The following TTN variants were observed in gnomAD, a reference collection of about 807,000 sequenced individuals.
TTN encodes connectin.
Under a neutral mutation model 3,223.0 loss-of-function variants are expected in TTN, and 1,525 were observed. The observed-to-expected ratio is 0.47, with a 90% CI of 0.45 to 0.49. The LOEUF (loss-of-function observed/expected upper bound fraction) is 0.49. Among genes scored for constraint, TTN ranks in the 20% least tolerant of loss-of-function variants. The pLI is 0.00. For missense variants in TTN, 40,786 were observed against 43,424.0 expected (o/e 0.94, Z 5.40); for synonymous variants, 14,094 against 15,161.0 (o/e 0.93, Z 5.17).
chr2:178,622,953 TAGTTTA>T (rs2058515476), intron 242 of TTN, among the ~76,000 whole-genome samples, 186 bp from the exon 243 acceptor site: 1 of 151,964 alleles, frequency 6.6e-6, no homozygotes, highest in African/African-American at 2.4e-5. Flanking sequence ...GATATCTCTT[TAGTTTA>T]CATAAAATTA....
chr2:178,703,701 G>T (rs1276175802), intron 106 of TTN, among the ~76,000 whole-genome samples: 1 of 152,162 alleles, frequency 6.6e-6, no homozygotes, highest in African/African-American at 2.4e-5. Context: ...TTGAAAAATA[G>T]TTGCTAATTG....
intron 47 of TTN, chr2:178,746,039 C>T (rs1432436001): frequency 6.2e-7 from 1 of 1,613,432 alleles, no homozygotes; most frequent in Non-Finnish European, 8.5e-7. Context: ...ATTCACAGCT[C>T]TGCACCTGTA....
In TTN at chr2:178,665,299, AG is replaced by A. The variant is rs371269651; in HGVS notation, c.36043+77del. ...ATGTTTATATTTAGAATTTATGAAG[AG>A]TATTAGGAAGAAACCATAGTTTTAA... On this transcript the variant is annotated intron_variant, in intron 165 of 362. Coordinates refer to ENST00000589042, the MANE Select transcript of TTN (RefSeq NM_001267550.2). The A allele has an allele frequency of 2.2e-3, 2,821 of 1,268,790 alleles. 86 individuals carry two copies. The South Asian group carries it at 0.034, about 15-fold the overall frequency. The allele number at this position is 1,268,790 out of a possible 1,614,324, so 78.6% of individuals were successfully genotyped here. A position where few individuals can be genotyped will look rare whatever the true frequency, so the allele number is the denominator to read the frequency against.
intron 43 of TTN, among the ~76,000 whole-genome samples, chr2:178,762,244 T>C (rs1249042501): frequency 6.6e-6 from 1 of 152,258 alleles, no homozygotes; most frequent in Non-Finnish European, 1.5e-5. Flanking sequence ...AGGGTCATTC[T>C]ATTTAATGAA....
At position 178,536,220 on chromosome 2, in the gene TTN, A is replaced by G. The variant is rs746029690; in HGVS notation, c.100527T>C (p.Tyr33509=). ...TGCAGACCAAGGTAGCATTGCTCTG[A>G]TATCTGACATTTAGATTTCTCAGTT... ...KEELRNLNVR[Y]QSNATLVCKV... The change falls in exon 357 of 363, where the codon TAT becomes TAC. Residue 33509 remains tyrosine, a synonymous_variant. Coordinates refer to ENST00000589042, the MANE Select transcript of TTN (RefSeq NM_001267550.2). 1.2e-6 allele frequency: 2 copies of G among 1,613,336 alleles called. No individual in the cohort carries two copies. Among genetic ancestry groups the G allele is most frequent in the Non-Finnish European group, 1.7e-6 (2 of 1,179,522 alleles).
chr2:178,799,624 C>T lies in TTN; in HGVS notation c.777G>A (p.Pro259=), dbSNP rs779271206. The change falls in exon 6 of 363, where the codon CCG becomes CCA. Residue 259 remains proline, a synonymous_variant. Transcript: ENST00000589042. ...GTGTTGGGGATCTTGACTTTGGCTT[C>T]GGAGGAATCCTGGGAGGTGTTTTAT... ...LPHKTPPRIP[P]KPKSRSPTPP... 3.1e-6 allele frequency: 5 copies of T among 1,613,944 alleles called. No individual in the cohort carries two copies. Among genetic ancestry groups the T allele is most frequent in the African/African-American group, 2.7e-5 (2 of 74,874 alleles).
At chr2:178,625,060 G>A (rs2058824595) in intron 241 of TTN, among the ~76,000 whole-genome samples, 1 of 151,764 alleles carries the variant, frequency 6.6e-6, no homozygotes, top group South Asian at 2.1e-4. Context: ...CAATAGAGAT[G>A]GAAGGAGGAA....
intron 301 of TTN, 21 bp from the exon 302 acceptor site, chr2:178,592,298 G>T: frequency 6.2e-7 from 1 of 1,602,346 alleles, no homozygotes; most frequent in Non-Finnish European, 8.5e-7. Flanking sequence ...TTAAATAACA[G>T]TTTGATAAGT....
At position 178,573,366 on chromosome 2, in the gene TTN, T is replaced by C. The variant is rs187868672; in HGVS notation, c.72766A>G (p.Asn24256Asp). The change falls in exon 326 of 363, where the codon AAT becomes GAT. Residue 24256 changes from asparagine (N) to aspartate (D), a missense_variant. Physicochemically the swap from Asn to Asp is conservative, Grantham distance 23 (BLOSUM62 1). Coordinates refer to ENST00000589042, the MANE Select transcript of TTN (RefSeq NM_001267550.2). ...TTATCACGCCGTTCCACAATATAAT[T>C]GATGATTTCACTTCCACCATCAGAA... The part of the protein sequence containing the change: ...PDSDGGSEII[N>D]YIVERRDKAG... 2.8e-4 allele frequency: 425 copies of C among 1,525,484 alleles called. 2 individuals are homozygous for C. The highest frequency in any genetic ancestry group is 8.8e-4 in the Middle Eastern group (5 of 5,656). 94.5% of individuals were successfully genotyped at this position (1,525,484 alleles called of 1,614,324 possible). A position where few individuals can be genotyped will look rare whatever the true frequency, so the allele number is the denominator to read the frequency against.
chr2:178,537,057 C>T lies in TTN; in HGVS notation c.100052G>A (p.Cys33351Tyr). 1 of 1,613,138 alleles carries T rather than the reference C, an allele frequency of 6.2e-7. No homozygotes were observed. The highest frequency in any genetic ancestry group is 8.5e-7 in the Non-Finnish European group (1 of 1,179,482). ...LVSSAISVTTCRIVNLTENAG... is the reference protein window; with the variant it reads ...LVSSAISVTTYRIVNLTENAG... The stretch of plus-strand genomic sequence containing the variant: ...ATTTTCTGTGAGGTTCACAATTCTA[C>T]AGGTTGTCACTGAGATGGCTGAAGA... The change falls in exon 356 of 363, where the codon TGT becomes TAT. Residue 33351 changes from cysteine to tyrosine, a missense_variant. By Grantham distance (194) the Cys-to-Tyr change is radical (BLOSUM62 -2). Coordinates refer to ENST00000589042, the MANE Select transcript of TTN (RefSeq NM_001267550.2).
At position 178,610,365 on chromosome 2, in the gene TTN, A is replaced by T; in HGVS notation, c.51161T>A (p.Ile17054Asn). Reference sequence around the variant, plus strand: ...ACTCTTGGTAATGTCACTTGCTTTAATATCTTTGCATGGTCCAGGTAGGCC... The same window carrying T: ...ACTCTTGGTAATGTCACTTGCTTTATTATCTTTGCATGGTCCAGGTAGGCC... ...VIGLPGPCKD[I>N]KASDITKSSC... is the part of the protein sequence containing the mutation. Residue 17054 changes from isoleucine to asparagine, a missense_variant, in exon 271 of 363, where the codon ATT (isoleucine) becomes AAT (asparagine). Transcript: ENST00000589042. 1 of 1,612,600 alleles carries T rather than the reference A, an allele frequency of 6.2e-7. No homozygotes were observed. The highest frequency in any genetic ancestry group is 8.5e-7 in the Non-Finnish European group (1 of 1,179,098).
intron 239 of TTN, among the ~76,000 whole-genome samples, 160 bp downstream of exon 239, chr2:178,630,081 C>T (rs1559936598): frequency 6.6e-6 from 1 of 152,038 alleles, no homozygotes; most frequent in African/African-American, 2.4e-5. Context: ...CGATTTGAAC[C>T]ACTTCTGTAT....
rs542231643 is a variant in TTN at position 178,756,878 on chromosome 2, G to T, written c.10679-81C>A. 2.3e-5 allele frequency: 30 copies of T among 1,277,850 alleles called. 1 individual carries two copies. The East Asian group carries it at 6.9e-4, about 29-fold the overall frequency. The allele number at this position is 1,277,850 out of a possible 1,614,324, so 79.2% of individuals were successfully genotyped here. A position where few individuals can be genotyped will look rare whatever the true frequency, so the allele number is the denominator to read the frequency against. Reference sequence around the variant, plus strand: ...CTTGCCCATGTTAGTAACACAAAATGGCATGGAAGATGAAGATGAAAGACG... The same window carrying T: ...CTTGCCCATGTTAGTAACACAAAATTGCATGGAAGATGAAGATGAAAGACG... On this transcript the variant is annotated intron_variant, in intron 45 of 362. Transcript: ENST00000589042.
Position 178,534,651 on chromosome 2 carries a change from C to CTGG in TTN, c.101961_101963dup (p.His33987dup), listed in dbSNP as rs2154136098. ...CTGTGGCTGTGCTGACAACATCATGCTGGTGGACTTCAGGTGCATAGTATT... is the reference window on the plus strand; with the variant it reads ...CTGTGGCTGTGCTGACAACATCATGCTGGTGGTGGACTTCAGGTGCATAGTATT... On this transcript the variant is annotated inframe_insertion, in exon 358 of 363. Coordinates refer to ENST00000589042, the MANE Select transcript of TTN (RefSeq NM_001267550.2). The CTGG allele has an allele frequency of 6.2e-7, 1 of 1,613,606 alleles. No individual in the cohort carries two copies. The highest frequency in any genetic ancestry group is 8.5e-7 in the Non-Finnish European group (1 of 1,179,578).
At chr2:178,664,628 C>A (rs1447264181) in intron 167 of TTN, 26 bp downstream of exon 167, 1 of 1,610,404 alleles carries the variant, frequency 6.2e-7, no homozygotes, top group Non-Finnish European at 8.5e-7. Context: ...ATGTTCCCAC[C>A]CCTCTAAGCT....
chr2:178,604,857 T>C lies in TTN; in HGVS notation c.54232A>G (p.Lys18078Glu). 1 of 1,612,396 alleles carries C rather than the reference T, an allele frequency of 6.2e-7. No homozygotes were observed. The highest frequency in any genetic ancestry group is 1.3e-5 in the African/African-American group (1 of 74,916). The change falls in exon 281 of 363, where the codon AAA (lysine) becomes GAA (glutamate). Residue 18078 changes from lysine (K) to glutamate (E), a missense_variant. Coordinates refer to ENST00000589042, the MANE Select transcript of TTN (RefSeq NM_001267550.2). ...CATGTCAAGTAGCAAGATTCAGCTT[T>C]AATGTCAGTAACAGCAAGATTTCTT... ...PPRNLAVTDI[K>E]AESCYLTWDA...
rs2065663478 is a variant in TTN at position 178,665,053 on chromosome 2, A to C, written c.36044-127T>G. 8 of 1,150,974 alleles carry C rather than the reference A, an allele frequency of 7.0e-6. No homozygotes were observed. The South Asian group carries it at 1.2e-4, about 17-fold the overall frequency. 71.3% of individuals were successfully genotyped at this position (1,150,974 alleles called of 1,614,324 possible). On this transcript the variant is annotated intron_variant, in intron 165 of 362. Transcript: ENST00000589042. ...TCCATCCTCCCTTTGTTCCACCAAT[A>C]GGCTAAGTCTTTTAAGGGGTTAGTG...
At chr2:178,736,585 G>C (rs1405761963) in intron 49 of TTN, among the ~76,000 whole-genome samples, 1 of 152,146 alleles carries the variant, frequency 6.6e-6, no homozygotes, top group Non-Finnish European at 1.5e-5. Context: ...ACTCAAACTT[G>C]TAAAAATATT....
At position 178,578,797 on chromosome 2, in the gene TTN, G is replaced by T; in HGVS notation, c.68224+9C>A. On this transcript the variant is annotated intron_variant, in intron 320 of 362. Transcript: ENST00000589042. The stretch of plus-strand genomic sequence containing the variant: ...TTTGCTTTACGTCTTCTGAATTTAA[G>T]ACACTTACCAAATGGATGTCTCGCA... The T allele has an allele frequency of 6.2e-7, 1 of 1,608,346 alleles. No homozygotes were observed. The highest frequency in any genetic ancestry group is 8.5e-7 in the Non-Finnish European group (1 of 1,177,430).
Sources: gnomAD v4.1 joint callset for allele counts (sites outside exome capture counted in the v4.1 genomes callset) on GRCh38, gnomAD v4.1.1 for gene constraint, MANE v1.5 for transcripts, NCBI Gene and HGNC (gene_info 2026-07-23, HGNC 2026-07-21) for gene names.